The following ERCC2 variants were observed in gnomAD, a reference collection of about 807,000 sequenced individuals.
The protein encoded by ERCC2 is general transcription and DNA repair factor IIH helicase subunit XPD.
A neutral mutation model predicts 99.4 loss-of-function variants in ERCC2; 90 were observed. The observed-to-expected ratio is 0.91, with a 90% CI of 0.76 to 1.08. The LOEUF (loss-of-function observed/expected upper bound fraction) is 1.08. Ranked by LOEUF, ERCC2 falls within the 50% of genes least tolerant of loss-of-function variation. The pLI is 0.00. For synonymous variants in ERCC2, 497 were observed against 432.4 expected, an observed-to-expected ratio of 1.15 and a Z score of -1.85; for missense variants, 993 against 1,038.1, an observed-to-expected ratio of 0.96 and a Z score of 0.60.
chr19:45,357,127 C>T (rs919362673), intron 15 of ERCC2, 143 bp downstream of exon 15: 2 of 625,960 alleles, frequency 3.2e-6, no homozygotes, highest in South Asian at 3.8e-5. Flanking sequence ...GAAGCAGAAT[C>T]AAGCCTAAGT....
chr19:45,365,164 G>A lies in ERCC2; in HGVS notation c.361-6C>T. 6.2e-7 allele frequency: 1 copy of A among 1,611,266 alleles called. No homozygotes were observed. Among genetic ancestry groups the A allele is most frequent in the Non-Finnish European group, 8.5e-7 (1 of 1,177,418 alleles). On this transcript the variant is annotated splice_polypyrimidine_tract_variant and splice_region_variant and intron_variant, in intron 5 of 22. Transcript: ENST00000391945. ...CCAAAGCGCAGGGGTGTCACCTGGG[G>A]GTGTGGGGCATCTTAGCACCCAGAC...
rs1568530074 is a variant in ERCC2 at position 45,351,612 on chromosome 19, G to A, written c.*17C>T. 1.2e-6 allele frequency: 2 copies of A among 1,613,338 alleles called. No homozygotes were observed. The highest frequency in any genetic ancestry group is 1.7e-6 in the Non-Finnish European group (2 of 1,179,724). The stretch of plus-strand genomic sequence containing the variant: ...TCAGGAGTCACCAGGAACCGTTTAT[G>A]GCCCCACCCGCCCCACTCAGAGCTG... On this transcript the variant is annotated 3_prime_UTR_variant, in exon 23 of 23. Coordinates refer to ENST00000391945, the MANE Select transcript of ERCC2 (RefSeq NM_000400.4).
chr19:45,351,375 T>G lies in ERCC2; in HGVS notation c.*254A>C, dbSNP rs1463367167. The G allele has an allele frequency of 1.2e-6, 2 of 1,608,432 alleles. No individual in the cohort carries two copies. The highest frequency in any genetic ancestry group is 1.7e-6 in the Non-Finnish European group (2 of 1,179,916). ...CCCACTAACGTCCAGTGAACTGCGC[T>G]GGCCGCAGCTTCTTGGGAACAGTGC... is the stretch of plus-strand genomic sequence containing the variant. On this transcript the variant is annotated 3_prime_UTR_variant, in exon 23 of 23. Transcript: ENST00000391945.
At chr19:45,364,624 T>C (rs377399348) in intron 7 of ERCC2, 77 bp from the exon 8 acceptor site, 9 of 1,587,222 alleles carry the variant, frequency 5.7e-6, no homozygotes, top group East Asian at 4.5e-5. Context: ...CACTGGCCCG[T>C]CACTCCCACA....
intron 22 of ERCC2, 67 bp from the exon 23 acceptor site, chr19:45,351,788 TCC>T (rs1419740677): frequency 4.9e-5 from 70 of 1,440,092 alleles, no homozygotes; most frequent in Non-Finnish European, 6.3e-5. Flanking sequence ...CTGCTGCACT[TCC>T]CCAACCACCC....
At chr19:45,368,236 ATT>A in intron 5 of ERCC2, among the ~76,000 whole-genome samples, 1 of 152,172 alleles carries the variant, frequency 6.6e-6, no homozygotes, top group Admixed American at 6.6e-5. Flanking sequence ...CGGCTGCAAC[ATT>A]TCACCCAATT....
In ERCC2 at chr19:45,370,547, G is replaced by T. The variant is rs1026764012; in HGVS notation, c.-7C>A. ...AGCCCCCTTCTCACTTCATGGCGCC[G>T]GCCGGACTGTGCAGCGGGGTCGACC... is the stretch of plus-strand genomic sequence containing the variant. On this transcript the variant is annotated 5_prime_UTR_variant, in exon 1 of 23. Coordinates refer to ENST00000391945, the MANE Select transcript of ERCC2 (RefSeq NM_000400.4). 2 of 1,568,750 alleles carry T rather than the reference G, an allele frequency of 1.3e-6. No homozygotes were observed. The highest frequency in any genetic ancestry group is 1.1e-5 in the South Asian group (1 of 88,702).
Position 45,357,611 on chromosome 19 carries a change from T to C in ERCC2, c.1307+19A>G. On this transcript the variant is annotated intron_variant, in intron 13 of 22. Coordinates refer to ENST00000391945, the MANE Select transcript of ERCC2 (RefSeq NM_000400.4). ...CCCGACCCACAGAGCATTCACACCC[T>C]CACCGGGCAGGGTCCCACCTGAAGT... The C allele has an allele frequency of 6.2e-7, 1 of 1,614,012 alleles. No individual in the cohort carries two copies. Among genetic ancestry groups the C allele is most frequent in the Non-Finnish European group, 8.5e-7 (1 of 1,179,932 alleles).
Position 45,364,936 on chromosome 19 carries a change from GC to G in ERCC2, c.495del (p.Arg166ValfsTer15). 6.2e-7 allele frequency: 1 copy of G among 1,613,994 alleles called. No individual in the cohort carries two copies. Among genetic ancestry groups the G allele is most frequent in the Non-Finnish European group, 8.5e-7 (1 of 1,179,934 alleles). On this transcript the variant is annotated frameshift_variant, in exon 7 of 23. Coordinates refer to ENST00000391945, the MANE Select transcript of ERCC2 (RefSeq NM_000400.4). LOFTEE classifies it high-confidence loss of function. ...ATGCCAGCGGGGAGGGGCACCTCAC[GC>G]CCATGGGCATCAAATTCCTGGGACA... ...CRFYEEFDAH[G>X]REVPLPAGIY...
chr19:45,353,152 A>C lies in ERCC2; in HGVS notation c.1762T>G (p.Cys588Gly). 6.2e-7 allele frequency: 1 copy of C among 1,613,820 alleles called. No individual in the cohort carries two copies. The highest frequency in any genetic ancestry group is 8.5e-7 in the Non-Finnish European group (1 of 1,179,964). The stretch of plus-strand genomic sequence containing the variant: ...AGGATGGCCCCGCGGCCATTCTCGC[A>C]GGCCTGAGGTGGGGAGACCGAGACG... Reference protein sequence around the residue: ...SVALEKYQEACENGRGAILLS... With the variant: ...SVALEKYQEAGENGRGAILLS... The change falls in exon 19 of 23, where the codon TGC becomes GGC. Residue 588 changes from cysteine (C) to glycine (G), a missense_variant. By Grantham distance (159) the Cys-to-Gly change is radical. Around this residue, in one of 3 missense-constraint regions of ERCC2, gnomAD observed 909 missense variants for 930.8 expected, o/e 0.98. Transcript: ENST00000391945.
Position 45,350,602 on chromosome 19 carries a change from G to A in ERCC2, c.*1027C>T, listed in dbSNP as rs1449094499. ...CTGGGGTGGGCGTGGGGACTGCATG[G>A]GCCTGGGGGACTGAGCAGCATCCCC... On this transcript the variant is annotated 3_prime_UTR_variant, in exon 23 of 23. Coordinates refer to ENST00000391945, the MANE Select transcript of ERCC2 (RefSeq NM_000400.4). 1.9e-6 allele frequency: 3 copies of A among 1,613,436 alleles called. No individual in the cohort carries two copies. The African/African-American group carries it at 4.0e-5, about 22-fold the overall frequency.
intron 15 of ERCC2, among the ~76,000 whole-genome samples, chr19:45,356,103 G>A (rs149154393): frequency 1.9e-4 from 29 of 152,190 alleles, no homozygotes; most frequent in African/African-American, 6.7e-4. Context: ...AACCGGACCC[G>A]AGTCTGTCCA....
intron 17 of ERCC2, 117 bp downstream of exon 17, chr19:45,354,613 T>A: frequency 7.3e-7 from 1 of 1,374,286 alleles, no homozygotes; most frequent in Non-Finnish European, 1.0e-6. Context: ...CTGCACACAC[T>A]CTCCTGTCAC....
chr19:45,358,620 A>G (rs987184963), intron 12 of ERCC2: 7 of 552,822 alleles, frequency 1.3e-5, no homozygotes, highest in Non-Finnish European at 2.3e-5. Context: ...GGGCCTTTAT[A>G]CTTGCTGGTC....
chr19:45,370,381 T>C (rs1311760222), intron 1 of ERCC2, 149 bp from the exon 2 acceptor site: 2 of 1,505,420 alleles, frequency 1.3e-6, no homozygotes, highest in Admixed American at 4.2e-5. Context: ...CCCCTCAGTG[T>C]CTCCTCGCTA....
At position 45,352,184 on chromosome 19, in the gene ERCC2, G is replaced by T. The variant is rs541556654; in HGVS notation, c.2190+25C>A. Reference sequence around the variant, plus strand: ...GAGGAGAAGCTCAGCCTGGGAGGGTGCCGGGAGGGGGACGCAGGCCTCACC... The same window carrying T: ...GAGGAGAAGCTCAGCCTGGGAGGGTTCCGGGAGGGGGACGCAGGCCTCACC... On this transcript the variant is annotated intron_variant, in intron 22 of 22. Coordinates refer to ENST00000391945, the MANE Select transcript of ERCC2 (RefSeq NM_000400.4). The T allele has an allele frequency of 2.5e-6, 4 of 1,611,942 alleles. No individual in the cohort carries two copies. The East Asian group carries it at 6.7e-5, about 27-fold the overall frequency.
chr19:45,367,027 C>A (rs1392668506), intron 5 of ERCC2, among the ~76,000 whole-genome samples: 3 of 151,790 alleles, frequency 2.0e-5, no homozygotes, highest in Non-Finnish European at 4.4e-5. Flanking sequence ...AAGAGTGAAA[C>A]TCCATTTCAA....
intron 1 of ERCC2, 132 bp downstream of exon 1, chr19:45,370,394 ACTGCTGCTCC>A (rs1398541768): frequency 1.1e-5 from 16 of 1,498,830 alleles, no homozygotes; most frequent in Non-Finnish European, 6.2e-6. Flanking sequence ...CCTCGCTATC[ACTGCTGCTCC>A]CTGCGGCTGC....
Position 45,350,891 on chromosome 19 carries a change from G to C in ERCC2, c.*738C>G. 1 of 1,572,078 alleles carries C rather than the reference G, an allele frequency of 6.4e-7. No individual in the cohort carries two copies. Among genetic ancestry groups the C allele is most frequent in the Non-Finnish European group, 8.7e-7 (1 of 1,142,936 alleles). ...ACAGATCAAACCCTGTGCTGGAAAGGTCCCTCGTGGAGGGGGGCCACTCCT... is the reference window on the plus strand; with the variant it reads ...ACAGATCAAACCCTGTGCTGGAAAGCTCCCTCGTGGAGGGGGGCCACTCCT... On this transcript the variant is annotated 3_prime_UTR_variant, in exon 23 of 23. Coordinates refer to ENST00000391945, the MANE Select transcript of ERCC2 (RefSeq NM_000400.4).
Sources: allele counts gnomAD v4.1 joint callset (sites outside exome capture counted in the v4.1 genomes callset), GRCh38; gene constraint gnomAD v4.1.1; regional missense constraint gnomAD v4.1.1; transcripts MANE v1.5; gene names NCBI Gene and HGNC (gene_info 2026-07-23, HGNC 2026-07-21).